SPTA1: variants seen among roughly 807,000 people sequenced by gnomAD.
SPTA1 encodes the protein spectrin alpha, erythrocytic 1.
SPTA1 carries 177 observed loss-of-function variants against 324.7 expected under a neutral mutation model. The ratio of observed to expected loss-of-function variants is 0.55; its 90% CI spans 0.48 to 0.62. The LOEUF (loss-of-function observed/expected upper bound fraction) is 0.62, where lower values mean the gene tolerates loss of function less well. SPTA1 is among the 20% of genes least tolerant of loss of function. The probability of loss-of-function intolerance (pLI) is 0.00; values close to 1 mark genes in which losing one functional copy is unlikely to be tolerated. For synonymous variants in SPTA1, 1,195 were observed against 1,041.3 expected, an observed-to-expected ratio of 1.15 and a Z score of -2.84; for missense variants, 3,162 against 2,883.6, an observed-to-expected ratio of 1.10 and a Z score of -2.21.
Position 158,674,748 on chromosome 1 carries a change from T to G in SPTA1, c.1113-73A>C, listed in dbSNP as rs1654287667. Reference sequence around the variant, plus strand: ...AAGGACATTGAACAAAGATTTAGGTTTGGGGTGAGGTAAGATGTGTGAGAT... The same window carrying G: ...AAGGACATTGAACAAAGATTTAGGTGTGGGGTGAGGTAAGATGTGTGAGAT... On this transcript the variant is annotated intron_variant, in intron 8 of 51. Transcript: ENST00000643759. The G allele has an allele frequency of 3.8e-6, 6 of 1,595,604 alleles. 1 individual carries two copies. In the South Asian group the frequency reaches 5.5e-5, roughly 15 times the overall value.
At chr1:158,662,986 T>C (rs1397187106) in intron 16 of SPTA1, 41 bp from the exon 17 acceptor site, 4 of 1,612,374 alleles carry the variant, frequency 2.5e-6, no homozygotes, top group Admixed American at 3.3e-5. Flanking sequence ...ATCCCATCAT[T>C]TAGTAGGAAG....
chr1:158,627,070 G>A (rs928935124), intron 40 of SPTA1, 63 bp from the exon 41 acceptor site: 8 of 1,594,018 alleles, frequency 5.0e-6, no homozygotes, highest in African/African-American at 2.7e-5. Flanking sequence ...GAATCCATTA[G>A]TACCAATAGA....
At chr1:158,686,463 C>G (rs1450231023) in intron 1 of SPTA1, 31 bp downstream of exon 1, 1 of 1,448,772 alleles carries the variant, frequency 6.9e-7, no homozygotes, top group Non-Finnish European at 9.7e-7. Flanking sequence ...ATATTAATGA[C>G]AAATTGCATG....
intron 38 of SPTA1, among the ~76,000 whole-genome samples, 184 bp downstream of exon 38, chr1:158,635,729 C>T (rs139562971): frequency 1.3e-5 from 2 of 152,168 alleles, no homozygotes; most frequent in East Asian, 1.9e-4. Flanking sequence ...AGGCAGTGAT[C>T]ATCGTGTCTG....
In SPTA1 at chr1:158,634,688, G is replaced by T. The variant is rs770095010; in HGVS notation, c.5433-13C>A. ...CAACTTAAGTCCTCTATAACAAGGT[G>T]GCAAGCCCCAGTGAGGATAAGAACA... On this transcript the variant is annotated splice_polypyrimidine_tract_variant and intron_variant, in intron 38 of 51. Coordinates refer to ENST00000643759, the MANE Select transcript of SPTA1 (RefSeq NM_003126.4). The T allele has an allele frequency of 4.6e-5, 74 of 1,613,826 alleles. No homozygotes were observed. The highest frequency in any genetic ancestry group is 6.2e-5 in the Non-Finnish European group (73 of 1,179,996).
intron 15 of SPTA1, among the ~76,000 whole-genome samples, chr1:158,667,031 T>C (rs1571495244): frequency 6.6e-6 from 1 of 152,210 alleles, no homozygotes; most frequent in Non-Finnish European, 1.5e-5. Flanking sequence ...TTCTGTACTA[T>C]TATCTTATTG....
chr1:158,671,357 C>G lies in SPTA1; in HGVS notation c.1585G>C (p.Glu529Gln). The G allele has an allele frequency of 1.2e-6, 2 of 1,613,492 alleles. No homozygotes were observed. The highest frequency in any genetic ancestry group is 1.1e-5 in the South Asian group (1 of 91,034). Residue 529 changes from glutamate to glutamine, a missense_variant, in exon 12 of 52, where the codon GAA becomes CAA. Coordinates refer to ENST00000643759, the MANE Select transcript of SPTA1 (RefSeq NM_003126.4). The stretch of plus-strand genomic sequence containing the variant: ...CAATTTCTTACTATGATCTTCTCTT[C>G]CTGGGCAGTAAAGGCTTCCTCAAAG... ...EDFEEAFTAQEEKIITVDKTA... is the reference protein window; with the variant it reads ...EDFEEAFTAQQEKIITVDKTA...
chr1:158,656,424 T>G lies in SPTA1; in HGVS notation c.2898+140A>C, dbSNP rs186672227. ...ACTAAATTGTGGATGCTACAGTTCCTGCATACAAGGGTCATAGAACTTAGT... is the reference window on the plus strand; with the variant it reads ...ACTAAATTGTGGATGCTACAGTTCCGGCATACAAGGGTCATAGAACTTAGT... On this transcript the variant is annotated intron_variant, in intron 20 of 51. Coordinates refer to ENST00000643759, the MANE Select transcript of SPTA1 (RefSeq NM_003126.4). 1.4e-4 allele frequency: 106 copies of G among 776,204 alleles called. No homozygotes were observed. The African/African-American group carries it at 1.5e-3, about 11-fold the overall frequency. The allele number at this position is 776,204 out of a possible 1,614,324, so 48.1% of individuals were successfully genotyped here. A position where few individuals can be genotyped will look rare whatever the true frequency, so the allele number is the denominator to read the frequency against.
intron 10 of SPTA1, among the ~76,000 whole-genome samples, chr1:158,673,605 T>A (rs940386768): frequency 6.6e-5 from 10 of 152,210 alleles, no homozygotes; most frequent in Admixed American, 3.3e-4. Context: ...TGCACAGATG[T>A]CAACCATGTC....
In SPTA1 at chr1:158,654,811, CA is replaced by C. The variant is rs533531441; in HGVS notation, c.2899-64del. ...GGAAATATCTCCCTGTACAGCTTAC[CA>C]GGGGTGAGTAGTCCTTTAGGCTTCC... On this transcript the variant is annotated intron_variant, in intron 20 of 51. Transcript: ENST00000643759. The C allele has an allele frequency of 8.7e-3, 13,951 of 1,605,618 alleles. 81 individuals carry two copies. The highest frequency in any genetic ancestry group is 0.011 in the Non-Finnish European group (12,614 of 1,178,480).
chr1:158,662,757 C>T lies in SPTA1; in HGVS notation c.2409G>A (p.Glu803=). ...TCTCTTGGATCCAGGCCTCCTCATCCTCTGTGTCTCTACAAATCAGCTGCA... is the reference window on the plus strand; with the variant it reads ...TCTCTTGGATCCAGGCCTCCTCATCTTCTGTGTCTCTACAAATCAGCTGCA... ...LHLQLICRDT[E]DEEAWIQETE... is the part of the protein sequence containing the mutation. Residue 803 remains glutamate (E), a synonymous_variant, in exon 17 of 52, where the codon GAG becomes GAA. Coordinates refer to ENST00000643759, the MANE Select transcript of SPTA1 (RefSeq NM_003126.4). 8 of 1,614,046 alleles carry T rather than the reference C, an allele frequency of 5.0e-6. No individual in the cohort carries two copies. The highest frequency in any genetic ancestry group is 1.7e-5 in the Admixed American group (1 of 60,012).
At chr1:158,679,230 C>T (rs140797805) in intron 5 of SPTA1, among the ~76,000 whole-genome samples, 35 of 152,248 alleles carry the variant, frequency 2.3e-4, no homozygotes, top group African/African-American at 4.6e-4. Context: ...CATTCTCCTT[C>T]TCAAGTACAT....
intron 35 of SPTA1, among the ~76,000 whole-genome samples, chr1:158,639,017 C>G (rs868022711): frequency 2.8e-4 from 43 of 152,226 alleles, no homozygotes; most frequent in South Asian, 1.5e-3. Flanking sequence ...AGTCCCAAGG[C>G]CTTTGACTTC....
intron 29 of SPTA1, 113 bp downstream of exon 29, chr1:158,645,075 C>T: frequency 9.1e-7 from 1 of 1,096,496 alleles, no homozygotes; most frequent in South Asian, 1.2e-5. Flanking sequence ...GATGAGCTCC[C>T]TTTGTGTTTA....
intron 24 of SPTA1, among the ~76,000 whole-genome samples, chr1:158,650,758 T>C (rs936266559): frequency 5.3e-5 from 8 of 152,210 alleles, no homozygotes; most frequent in African/African-American, 1.9e-4. Context: ...CAAATGTATA[T>C]ATTCCAAAAT....
chr1:158,620,052 T>G (rs1423482223), intron 44 of SPTA1, 118 bp downstream of exon 44: 1 of 1,319,130 alleles, frequency 7.6e-7, no homozygotes, highest in East Asian at 2.3e-5. Flanking sequence ...GTTTCATGAC[T>G]TCTGTCCCAG....
chr1:158,662,332 A>C (rs1653278706), intron 17 of SPTA1, among the ~76,000 whole-genome samples: 1 of 152,198 alleles, frequency 6.6e-6, no homozygotes, highest in Non-Finnish European at 1.5e-5. Flanking sequence ...CTATTGTCAG[A>C]AGAAAAATCT....
chr1:158,657,382 A>T (rs1286092271), intron 19 of SPTA1, 95 bp downstream of exon 19: 25 of 1,286,618 alleles, frequency 1.9e-5, no homozygotes, highest in Middle Eastern at 2.6e-4. Context: ...AATCTGGCAG[A>T]ATCTGTAGCT....
chr1:158,681,765 T>C, intron 3 of SPTA1, 98 bp from the exon 4 acceptor site: 1 of 1,480,166 alleles, frequency 6.8e-7, no homozygotes, highest in Non-Finnish European at 9.4e-7. Flanking sequence ...AAAATTCTTC[T>C]CTCAGTTACT....
Sources: allele counts gnomAD v4.1 joint callset (sites outside exome capture counted in the v4.1 genomes callset), GRCh38; gene constraint gnomAD v4.1.1; transcripts MANE v1.5; gene names NCBI Gene and HGNC (gene_info 2026-07-23, HGNC 2026-07-21).